Variants in ANKRD11 observed in about 807,000 individuals in gnomAD.
ANKRD11 encodes ankyrin repeat domain 11.
Under a neutral mutation model 195.7 loss-of-function variants are expected in ANKRD11, and 17 were observed. That is an observed-to-expected ratio of 0.09 (90% CI 0.06 to 0.13). The LOEUF (loss-of-function observed/expected upper bound fraction) is 0.13. Ranked by LOEUF, ANKRD11 falls within the 10% of genes least tolerant of loss-of-function variation. The probability of loss-of-function intolerance (pLI) is 1.00; values close to 1 mark genes in which losing one functional copy is unlikely to be tolerated. For synonymous variants in ANKRD11, 1,953 were observed against 1,528.1 expected (o/e 1.28, Z -6.49); for missense variants, 3,735 against 3,566.1 (o/e 1.05, Z -1.21).
intron 2 of ANKRD11, among the ~76,000 whole-genome samples, chr16:89,382,099 G>T (rs954637801): frequency 2.6e-5 from 4 of 152,302 alleles, no homozygotes; most frequent in African/African-American, 9.6e-5. Context: ...CCACCAGAAC[G>T]GGCGAGGGGG....
intron 4 of ANKRD11, 84 bp downstream of exon 4, chr16:89,305,122 G>C: frequency 6.4e-7 from 1 of 1,561,280 alleles, no homozygotes; most frequent in Non-Finnish European, 8.6e-7. Flanking sequence ...CAAAGCCGGA[G>C]GTGCGGGGGC....
At chr16:89,432,147 A>G (rs1171888419) in intron 1 of ANKRD11, among the ~76,000 whole-genome samples, 1 of 151,922 alleles carries the variant, frequency 6.6e-6, no homozygotes, top group African/African-American at 2.4e-5. Context: ...AGAATTTGCC[A>G]CATCTGGTCA....
At chr16:89,454,988 G>C (rs1478546153) in intron 1 of ANKRD11, among the ~76,000 whole-genome samples, 2 of 96,990 alleles carry the variant, frequency 2.1e-5, no homozygotes, top group African/African-American at 4.3e-5. Context: ...GTGCTTCTAG[G>C]GTTCCTCAAG....
chr16:89,397,428 C>A (rs2041489558), intron 2 of ANKRD11, among the ~76,000 whole-genome samples: 1 of 152,242 alleles, frequency 6.6e-6, no homozygotes, highest in African/African-American at 2.4e-5. Context: ...GGACTCCCAG[C>A]GCCGTACCAC....
chr16:89,471,489 G>A (rs1432891845), intron 1 of ANKRD11, among the ~76,000 whole-genome samples: 2 of 151,650 alleles, frequency 1.3e-5, no homozygotes, highest in Non-Finnish European at 1.5e-5. Context: ...CCACCATGGA[G>A]ACACTTAAGA....
chr16:89,410,265 C>T (rs1343621428), intron 2 of ANKRD11, among the ~76,000 whole-genome samples: 1 of 152,188 alleles, frequency 6.6e-6, no homozygotes, highest in African/African-American at 2.4e-5. Context: ...CTCATAACAT[C>T]ATCACCAAGC....
chr16:89,372,596 T>C (rs1305023929), intron 2 of ANKRD11, among the ~76,000 whole-genome samples: 1 of 152,114 alleles, frequency 6.6e-6, no homozygotes, highest in African/African-American at 2.4e-5. Context: ...AAGATATTAA[T>C]ACTAAAAATT....
At chr16:89,416,338 C>T (rs190282846) in intron 2 of ANKRD11, among the ~76,000 whole-genome samples, 45 of 152,098 alleles carry the variant, frequency 3.0e-4, no homozygotes, top group Admixed American at 5.2e-4. Context: ...CTTGCTCTGT[C>T]GCCCAGGCTC....
intron 11 of ANKRD11, 73 bp from the exon 12 acceptor site, chr16:89,270,982 G>A (rs1312457419): frequency 9.2e-6 from 13 of 1,419,324 alleles, no homozygotes; most frequent in African/African-American, 5.6e-5. Context: ...CAGCCTGGGC[G>A]ATGCTGCAGT....
chr16:89,438,082 C>T (rs902137319), intron 1 of ANKRD11, among the ~76,000 whole-genome samples: 1 of 152,192 alleles, frequency 6.6e-6, no homozygotes, highest in Non-Finnish European at 1.5e-5. Flanking sequence ...GCCCGCTGGC[C>T]AGGAGGGCAC....
Position 89,420,758 on chromosome 16 carries a change from A to C in ANKRD11, c.-144-2390T>G, listed in dbSNP as rs552073002. Among the ~76,000 whole-genome samples, 6 of 152,304 alleles carry C rather than the reference A, an allele frequency of 3.9e-5. No homozygotes were observed. In the South Asian group the frequency reaches 1.2e-3, roughly 32 times the overall value. ...AGAGACAGGGTCTCACTGTGTTGCC[A>C]AGGCTGGGAATGGAGTGGTGCAAAC... On this transcript the variant is annotated intron_variant, in intron 1 of 12. Transcript: ENST00000301030.
intron 1 of ANKRD11, among the ~76,000 whole-genome samples, chr16:89,424,441 C>A (rs75523998): frequency 1.1e-4 from 16 of 142,468 alleles, no homozygotes; most frequent in Admixed American, 1.4e-4. Context: ...AACTCTGTCT[C>A]AAAAAAAAAA....
At chr16:89,363,283 T>G (rs116135064) in intron 2 of ANKRD11, among the ~76,000 whole-genome samples, 11 of 152,172 alleles carry the variant, frequency 7.2e-5, no homozygotes, top group African/African-American at 2.2e-4. Flanking sequence ...AAATTCACCC[T>G]GTATTTGACG....
chr16:89,369,220 G>A (rs1351800200), intron 2 of ANKRD11, among the ~76,000 whole-genome samples: 2 of 152,014 alleles, frequency 1.3e-5, no homozygotes, highest in African/African-American at 2.4e-5. Flanking sequence ...TCAAAGGGCT[G>A]GTCTCCAAAC....
chr16:89,337,300 G>T (rs922862289), intron 2 of ANKRD11, among the ~76,000 whole-genome samples: 4 of 151,848 alleles, frequency 2.6e-5, no homozygotes, highest in African/African-American at 9.7e-5. Flanking sequence ...ACTTCAGGTG[G>T]CTCGGAATCC....
intron 1 of ANKRD11, among the ~76,000 whole-genome samples, chr16:89,448,840 G>A (rs529785859): frequency 1.3e-3 from 200 of 152,190 alleles, no homozygotes; most frequent in African/African-American, 4.4e-3. Context: ...ATGCGGGCAG[G>A]GCAGGAGAGC....
chr16:89,486,793 G>C (rs1224454876), intron 1 of ANKRD11, among the ~76,000 whole-genome samples: 1 of 151,950 alleles, frequency 6.6e-6, no homozygotes, highest in East Asian at 1.9e-4. Flanking sequence ...ATCACTTGAG[G>C]TCAGGAGTTT....
At position 89,400,070 on chromosome 16, in the gene ANKRD11, C is replaced by T. The variant is rs113866951; in HGVS notation, c.-60+18214G>A. ...CCCCAGGCTTCCCTGCGCTGGGGGC[C>T]GGTCATCTGCTGCCCCAGGCTTCCC... On this transcript the variant is annotated intron_variant, in intron 2 of 12. Transcript: ENST00000301030. Among the ~76,000 whole-genome samples, 14 of 51,636 alleles carry T rather than the reference C, an allele frequency of 2.7e-4. 1 individual carries two copies. The highest frequency in any genetic ancestry group is 3.4e-4 in the African/African-American group (4 of 11,596). The allele number at this position is 51,636 out of a possible 152,430, so 33.9% of individuals were successfully genotyped here.
intron 2 of ANKRD11, among the ~76,000 whole-genome samples, chr16:89,394,112 G>T (rs910504556): frequency 1.3e-5 from 2 of 152,142 alleles, no homozygotes; most frequent in African/African-American, 2.4e-5. Flanking sequence ...ACAGTCCCAG[G>T]TTCCAGGCAG....
Sources: gnomAD v4.1 joint callset for allele counts (sites outside exome capture counted in the v4.1 genomes callset) on GRCh38, gnomAD v4.1.1 for gene constraint, MANE v1.5 for transcripts, NCBI Gene and HGNC (gene_info 2026-07-23, HGNC 2026-07-21) for gene names.